PCLO: variants seen among roughly 807,000 people sequenced by gnomAD.
PCLO encodes piccolo presynaptic cytomatrix protein, also known as protein piccolo.
In PCLO, 82 loss-of-function variants were observed where a neutral mutation model predicts 427.5. The observed-to-expected ratio is 0.19, with a 90% CI of 0.16 to 0.23. The LOEUF (loss-of-function observed/expected upper bound fraction) is 0.23. Ranked by LOEUF, PCLO falls within the 10% of genes least tolerant of loss-of-function variation. The pLI, the probability that PCLO is intolerant of heterozygous loss-of-function variation, is 1.00. For synonymous variants in PCLO, 2,357 were observed against 2,155.4 expected (o/e 1.09, Z -2.59); for missense variants, 6,239 against 6,115.9 (o/e 1.02, Z -0.67).
rs1012451295 is a variant in PCLO at position 83,009,053 on chromosome 7, A to G, written c.3301-42566T>C. The stretch of plus-strand genomic sequence containing the variant: ...AATATCCCATACAGAAAAATTACCT[A>G]AACCTTAATTCATTTTAACTTATTT... On this transcript the variant is annotated intron_variant, in intron 3 of 24. Coordinates refer to ENST00000333891, the MANE Select transcript of PCLO (RefSeq NM_033026.6). Among the ~76,000 whole-genome samples the G allele has an allele frequency of 2.0e-5, 3 of 151,612 alleles. No individual in the cohort carries two copies. The Admixed American group carries it at 2.0e-4, about 10-fold the overall frequency.
intron 3 of PCLO, among the ~76,000 whole-genome samples, chr7:83,022,131 G>A (rs564783690): frequency 1.3e-5 from 2 of 152,112 alleles, no homozygotes; most frequent in East Asian, 3.9e-4. Flanking sequence ...TGGGATTAGT[G>A]CCCATATGAA....
At chr7:83,133,499 G>T (rs1241797829) in intron 3 of PCLO, among the ~76,000 whole-genome samples, 8 of 151,774 alleles carry the variant, frequency 5.3e-5, no homozygotes, top group Non-Finnish European at 7.4e-5. Flanking sequence ...TTAGAAATTC[G>T]TCGTCTGCTT....
intron 3 of PCLO, among the ~76,000 whole-genome samples, chr7:83,057,836 A>T (rs947459599): frequency 2.0e-5 from 3 of 151,770 alleles, no homozygotes; most frequent in African/African-American, 7.3e-5. Context: ...AACTCAAAGT[A>T]TACTGAAGAA....
chr7:82,959,835 T>C (rs1186234459), intron 4 of PCLO, among the ~76,000 whole-genome samples: 1 of 152,284 alleles, frequency 6.6e-6, no homozygotes, highest in Non-Finnish European at 1.5e-5. Flanking sequence ...AGGTGGCAAG[T>C]TGGCAAAGTG....
chr7:83,041,704 G>T (rs1429429174), intron 3 of PCLO, among the ~76,000 whole-genome samples: 5 of 152,068 alleles, frequency 3.3e-5, no homozygotes, highest in African/African-American at 1.2e-4. Flanking sequence ...TTCCAATATA[G>T]CATTTAATCA....
At chr7:83,071,333 T>C (rs961408213) in intron 3 of PCLO, among the ~76,000 whole-genome samples, 1 of 152,220 alleles carries the variant, frequency 6.6e-6, no homozygotes, top group Admixed American at 6.5e-5. Context: ...AATGTGACAA[T>C]AGTTATATCT....
At chr7:82,798,073 A>T (rs554829248) in intron 22 of PCLO, among the ~76,000 whole-genome samples, 6 of 152,150 alleles carry the variant, frequency 3.9e-5, no homozygotes, top group Non-Finnish European at 8.8e-5. Context: ...TTGTATGTGA[A>T]CAAACCGTCT....
intron 20 of PCLO, among the ~76,000 whole-genome samples, chr7:82,809,361 G>A (rs1791520141): frequency 6.6e-6 from 1 of 151,502 alleles, no homozygotes; most frequent in South Asian, 2.1e-4. Context: ...ACTTTACTAA[G>A]CTCTCTTTTA....
intron 3 of PCLO, among the ~76,000 whole-genome samples, chr7:83,050,227 A>AAAAAAAAAAAAAAAAAC (rs71074611): frequency 2.0e-4 from 17 of 85,642 alleles, no homozygotes; most frequent in Non-Finnish European, 3.4e-4. Context: ...AAAAAAAAAA[A>AAAAAAAAAAAAAAAAAC]AAAAAAAAAA....
chr7:83,147,156 T>C (rs549580581), intron 2 of PCLO, among the ~76,000 whole-genome samples: 2 of 151,930 alleles, frequency 1.3e-5, no homozygotes, highest in South Asian at 2.1e-4. Flanking sequence ...CCTAGGTGTA[T>C]ATTAACACAT....
chr7:83,052,688 C>T (rs1307429420), intron 3 of PCLO, among the ~76,000 whole-genome samples: 1 of 151,950 alleles, frequency 6.6e-6, no homozygotes, highest in African/African-American at 2.4e-5. Flanking sequence ...GTCTCCTGTG[C>T]CTCTACCTCG....
At chr7:82,815,357 A>T (rs1318822154) in intron 20 of PCLO, among the ~76,000 whole-genome samples, 1 of 152,068 alleles carries the variant, frequency 6.6e-6, no homozygotes, top group African/African-American at 2.4e-5. Flanking sequence ...CAAAATGGTG[A>T]TTCAATAGTT....
chr7:82,900,547 T>C (rs1351953249), intron 9 of PCLO, among the ~76,000 whole-genome samples: 6 of 3,382 alleles, frequency 1.8e-3, no homozygotes, highest in Non-Finnish European at 2.5e-3. Context: ...GATTTAAATA[T>C]GGACTATTGA....
chr7:82,827,561 CT>C (rs1791975831), intron 17 of PCLO, among the ~76,000 whole-genome samples: 1 of 151,996 alleles, frequency 6.6e-6, no homozygotes, highest in African/African-American at 2.4e-5. Context: ...GTGTTTCTCT[CT>C]CAAATATGAT....
chr7:82,871,213 C>T (rs1793229093), intron 10 of PCLO, among the ~76,000 whole-genome samples: 1 of 151,816 alleles, frequency 6.6e-6, no homozygotes, highest in South Asian at 2.1e-4. Context: ...AAACTGTGTT[C>T]ATTAAGAGAT....
At chr7:83,141,863 T>G (rs1378181235) in intron 2 of PCLO, among the ~76,000 whole-genome samples, 1 of 152,194 alleles carries the variant, frequency 6.6e-6, no homozygotes, top group Non-Finnish European at 1.5e-5. Context: ...ACCAAAAAAT[T>G]ATATTCTGAT....
intron 22 of PCLO, among the ~76,000 whole-genome samples, chr7:82,783,340 T>C (rs902421823): frequency 3.3e-4 from 50 of 150,502 alleles, no homozygotes; most frequent in African/African-American, 1.2e-3. Flanking sequence ...GAGGGCCGGG[T>C]GTGGTGGCTT....
intron 2 of PCLO, among the ~76,000 whole-genome samples, chr7:83,147,048 C>A (rs1792012465): frequency 6.9e-6 from 1 of 145,856 alleles, no homozygotes. Context: ...CATTTAAAAG[C>A]TGAAGGTATA....
chr7:82,912,594 GCTTTA>G (rs1242356845), intron 7 of PCLO, among the ~76,000 whole-genome samples: 1 of 151,628 alleles, frequency 6.6e-6, no homozygotes, highest in Non-Finnish European at 1.5e-5. Flanking sequence ...AATTTTAATT[GCTTTA>G]CTTCTTTGGT....
Sources: allele counts gnomAD v4.1 joint callset (sites outside exome capture counted in the v4.1 genomes callset), GRCh38; gene constraint gnomAD v4.1.1; transcripts MANE v1.5; gene names NCBI Gene and HGNC (gene_info 2026-07-23, HGNC 2026-07-21).